Variants in VMP1 observed in about 807,000 individuals in gnomAD.
VMP1 encodes vacuole membrane protein 1.
VMP1 carries 11 observed loss-of-function variants against 56.0 expected under a neutral mutation model. The observed-to-expected ratio is 0.20, with a 90% CI of 0.12 to 0.32. VMP1 has a LOEUF of 0.32. Among genes scored for constraint, VMP1 ranks in the 10% least tolerant of loss-of-function variants. The pLI is 1.00. For synonymous variants in VMP1, 149 were observed against 165.0 expected (o/e 0.90, Z 0.74); for missense variants, 296 against 490.3 (o/e 0.60, Z 3.74).
chr17:59,759,865 A>AT (rs1445628451), intron 5 of VMP1, among the ~76,000 whole-genome samples: 3 of 113,476 alleles, frequency 2.6e-5, no homozygotes, highest in South Asian at 2.6e-4. Flanking sequence ...TGGACTGAGG[A>AT]TTTTTTTGTT....
intron 7 of VMP1, among the ~76,000 whole-genome samples, chr17:59,796,875 G>A (rs1023977778): frequency 1.3e-5 from 2 of 152,064 alleles, no homozygotes; most frequent in Admixed American, 6.6e-5. Flanking sequence ...TTTGGAAACT[G>A]GCACTGTCTA....
intron 10 of VMP1, among the ~76,000 whole-genome samples, chr17:59,825,321 C>T (rs945895031): frequency 6.6e-6 from 1 of 151,506 alleles, no homozygotes; most frequent in Non-Finnish European, 1.5e-5. Flanking sequence ...ATCCACCCGC[C>T]TTGGCATCCC....
chr17:59,762,317 T>C (rs1312054772), intron 5 of VMP1, among the ~76,000 whole-genome samples: 4 of 152,176 alleles, frequency 2.6e-5, no homozygotes, highest in East Asian at 1.9e-4. Context: ...ATTAATACTA[T>C]AGCTGTTTGG....
intron 6 of VMP1, among the ~76,000 whole-genome samples, chr17:59,771,172 T>A (rs2036410662): frequency 1.3e-5 from 2 of 151,814 alleles, no homozygotes; most frequent in South Asian, 4.2e-4. Context: ...ACACCTTTTT[T>A]TTTTTTGAAT....
At chr17:59,779,530 T>G (rs1208120156) in intron 7 of VMP1, among the ~76,000 whole-genome samples, 1 of 152,202 alleles carries the variant, frequency 6.6e-6, no homozygotes, top group African/African-American at 2.4e-5. Context: ...CGCTCTCAGG[T>G]ATAATCTTTT....
At chr17:59,765,275 CA>C in intron 6 of VMP1, 137 bp downstream of exon 6, 1 of 966,022 alleles carries the variant, frequency 1.0e-6, no homozygotes, top group African/African-American at 1.7e-5. Context: ...ACTTCCAAGG[CA>C]AAAGAAACCT....
intron 1 of VMP1, among the ~76,000 whole-genome samples, chr17:59,719,316 CACAAACAA>C (rs3064258): frequency 1.3e-5 from 2 of 150,626 alleles, no homozygotes; most frequent in Admixed American, 6.6e-5. Context: ...AAGACCCTGT[CACAAACAA>C]ACAAACAAAC....
At chr17:59,796,183 C>A (rs2037432156) in intron 7 of VMP1, among the ~76,000 whole-genome samples, 1 of 152,158 alleles carries the variant, frequency 6.6e-6, no homozygotes, top group African/African-American at 2.4e-5. Context: ...CTCGCCAGAA[C>A]TCTCTTCTCA....
chr17:59,786,371 T>C (rs1568144041), intron 7 of VMP1, among the ~76,000 whole-genome samples: 1 of 152,246 alleles, frequency 6.6e-6, no homozygotes, highest in Non-Finnish European at 1.5e-5. Flanking sequence ...CACATTTTCC[T>C]ATGAAGTGTG....
chr17:59,812,670 C>T (rs1454648937), intron 9 of VMP1, among the ~76,000 whole-genome samples: 1 of 152,112 alleles, frequency 6.6e-6, no homozygotes, highest in Non-Finnish European at 1.5e-5. Context: ...TGGTGGCTCA[C>T]GCCTGTAATC....
chr17:59,766,533 A>G (rs886908991), intron 6 of VMP1, among the ~76,000 whole-genome samples: 1 of 152,194 alleles, frequency 6.6e-6, no homozygotes, highest in Non-Finnish European at 1.5e-5. Flanking sequence ...ATGTTCTTAG[A>G]GAACTCATTT....
intron 1 of VMP1, among the ~76,000 whole-genome samples, chr17:59,708,644 G>A (rs1211565757): frequency 2.0e-5 from 3 of 152,166 alleles, no homozygotes; most frequent in African/African-American, 7.2e-5. Flanking sequence ...AGATTACATT[G>A]ATCATTTGAA....
chr17:59,733,035 C>G (rs553449280), intron 2 of VMP1, among the ~76,000 whole-genome samples: 44 of 152,016 alleles, frequency 2.9e-4, no homozygotes, highest in Non-Finnish European at 6.3e-4. Flanking sequence ...TGGATGTGAT[C>G]GTATGCGCCT....
At chr17:59,833,146 G>A (rs1166569964) in intron 10 of VMP1, among the ~76,000 whole-genome samples, 1 of 152,020 alleles carries the variant, frequency 6.6e-6, no homozygotes, top group Non-Finnish European at 1.5e-5. Flanking sequence ...TTAAGTGTCA[G>A]AATGGACTCT....
chr17:59,726,170 C>A (rs905187048), intron 1 of VMP1, among the ~76,000 whole-genome samples: 5 of 151,774 alleles, frequency 3.3e-5, no homozygotes, highest in Non-Finnish European at 5.9e-5. Flanking sequence ...CCTTAAATAT[C>A]TTATTTGTAA....
Position 59,738,748 on chromosome 17 carries a change from C to T in VMP1, c.304-89C>T. On this transcript the variant is annotated intron_variant, in intron 4 of 11. Transcript: ENST00000262291. Reference sequence around the variant, plus strand: ...TTAGTTTTTTCCTATTTGAAACTTACTTTAGTTGATTTAATTTTGATGATG... The same window carrying T: ...TTAGTTTTTTCCTATTTGAAACTTATTTTAGTTGATTTAATTTTGATGATG... 4 of 974,442 alleles carry T rather than the reference C, an allele frequency of 4.1e-6. No individual in the cohort carries two copies. In the South Asian group the frequency reaches 5.8e-5, roughly 14 times the overall value. 60.4% of individuals were successfully genotyped at this position (974,442 alleles called of 1,614,324 possible). A position where few individuals can be genotyped will look rare whatever the true frequency, so the allele number is the denominator to read the frequency against.
At chr17:59,834,016 G>A (rs1341152698) in intron 10 of VMP1, 1 of 152,088 alleles carries the variant, frequency 6.6e-6, no homozygotes, top group Non-Finnish European at 1.5e-5. Context: ...CCCCAGGCTG[G>A]AGGACAATGG....
chr17:59,797,159 C>A (rs555364027), intron 7 of VMP1, among the ~76,000 whole-genome samples: 5 of 136,406 alleles, frequency 3.7e-5, no homozygotes, highest in Admixed American at 1.4e-4. Context: ...TGGTGAAACC[C>A]CCCCCCCGTC....
intron 7 of VMP1, among the ~76,000 whole-genome samples, chr17:59,807,101 A>G (rs771618241): frequency 3.3e-5 from 5 of 152,116 alleles, no homozygotes; most frequent in Admixed American, 6.5e-5. Flanking sequence ...TTCTGTGCCA[A>G]TTAGAGAACT....
Sources: allele counts gnomAD v4.1 joint callset (sites outside exome capture counted in the v4.1 genomes callset), GRCh38; gene constraint gnomAD v4.1.1; transcripts MANE v1.5; gene names NCBI Gene and HGNC (gene_info 2026-07-23, HGNC 2026-07-21).